GABRB2: variants seen among roughly 807,000 people sequenced by gnomAD.
GABRB2 encodes gamma-aminobutyric acid receptor subunit beta-2.
GABRB2 carries 16 observed loss-of-function variants against 54.7 expected under a neutral mutation model. That is an observed-to-expected ratio of 0.29 (90% CI 0.20 to 0.44). The LOEUF (loss-of-function observed/expected upper bound fraction) is 0.44, where lower values mean the gene tolerates loss of function less well. GABRB2 is among the 20% of genes least tolerant of loss of function. The pLI, the probability that GABRB2 is intolerant of heterozygous loss-of-function variation, is 1.00. For synonymous variants in GABRB2, 244 were observed against 233.8 expected, an observed-to-expected ratio of 1.04 and a Z score of -0.40; for missense variants, 355 against 644.0, an observed-to-expected ratio of 0.55 and a Z score of 4.86.
chr5:161,300,305 T>C (rs980829936), intron 9 of GABRB2, among the ~76,000 whole-genome samples: 21 of 152,360 alleles, frequency 1.4e-4, no homozygotes, highest in South Asian at 4.1e-4. Context: ...CATTCCTTTT[T>C]CTCCTTTGAA....
At chr5:161,503,543 T>C (rs1759511018) in intron 3 of GABRB2, among the ~76,000 whole-genome samples, 1 of 151,936 alleles carries the variant, frequency 6.6e-6, no homozygotes. Flanking sequence ...ACCTCGTCTC[T>C]ACTAAAAATA....
chr5:161,434,385 C>T (rs895859307), intron 4 of GABRB2, among the ~76,000 whole-genome samples: 2 of 152,136 alleles, frequency 1.3e-5, no homozygotes, highest in African/African-American at 4.8e-5. Context: ...TTAAAATTAT[C>T]AGTGACATCC....
At chr5:161,514,201 GCAGA>G (rs1759865200) in intron 3 of GABRB2, among the ~76,000 whole-genome samples, 1 of 152,064 alleles carries the variant, frequency 6.6e-6, no homozygotes, top group African/African-American at 2.4e-5. Context: ...TGACCAGAGT[GCAGA>G]CACTCTTCTC....
At chr5:161,358,542 G>A (rs1481590778) in intron 5 of GABRB2, among the ~76,000 whole-genome samples, 7 of 152,162 alleles carry the variant, frequency 4.6e-5, no homozygotes, top group Admixed American at 3.3e-4. Flanking sequence ...GTAAAAAAAC[G>A]ATGGTGTGGA....
At chr5:161,343,451 T>A (rs1422068936) in intron 5 of GABRB2, among the ~76,000 whole-genome samples, 2 of 152,026 alleles carry the variant, frequency 1.3e-5, no homozygotes, top group Non-Finnish European at 2.9e-5. Context: ...TCAAGTAAAA[T>A]GTCAGATTGT....
intron 4 of GABRB2, among the ~76,000 whole-genome samples, chr5:161,433,933 T>C (rs1310239134): frequency 1.3e-5 from 2 of 152,198 alleles, no homozygotes; most frequent in Non-Finnish European, 2.9e-5. Context: ...GAAAATGTTA[T>C]AGATTTCCTT....
chr5:161,501,198 GA>G (rs1317650813), intron 3 of GABRB2, among the ~76,000 whole-genome samples: 1 of 151,642 alleles, frequency 6.6e-6, no homozygotes, highest in African/African-American at 2.4e-5. Context: ...TAGAAATCAA[GA>G]AAAAAATCAC....
rs182199896 is a variant in GABRB2 at position 161,516,428 on chromosome 5, C to T, written c.237+28799G>A. ...CTCAGGATGGGTGAATGAGTGCCTA[C>T]CAACAATGTAATTTGCATGTAAGCA... is the stretch of plus-strand genomic sequence containing the variant. On this transcript the variant is annotated intron_variant, in intron 3 of 9. Coordinates refer to ENST00000393959, the MANE Select transcript of GABRB2 (RefSeq NM_001371727.1). Among the ~76,000 whole-genome samples the T allele has an allele frequency of 2.4e-4, 36 of 152,184 alleles. 1 individual carries two copies. The East Asian group carries it at 4.3e-3, about 18-fold the overall frequency.
chr5:161,459,437 T>C (rs1485614868), intron 4 of GABRB2, 187 bp downstream of exon 4: 3 of 608,336 alleles, frequency 4.9e-6, no homozygotes, highest in South Asian at 4.0e-5. Context: ...AATGTAGTCT[T>C]AGCTGAGGTT....
chr5:161,415,143 A>T (rs775509652), intron 4 of GABRB2, among the ~76,000 whole-genome samples: 1 of 152,220 alleles, frequency 6.6e-6, no homozygotes, highest in African/African-American at 2.4e-5. Flanking sequence ...GTACATCATT[A>T]TGCAGGTATC....
rs1554100145 is a variant in GABRB2 at position 161,428,322 on chromosome 5, T to TGTGTGA, written c.459-17266_459-17265insTCACAC. Reference sequence around the variant, plus strand: ...GTGTGTGTGTGTGTGTGTGTGTGTGTGACAAGAGCAGCTGAAATCCACTTG... The same window carrying TGTGTGA: ...GTGTGTGTGTGTGTGTGTGTGTGTGTGTGTGAGACAAGAGCAGCTGAAATCCACTTG... On this transcript the variant is annotated intron_variant, in intron 4 of 9. Transcript: ENST00000393959. 2.7e-5 allele frequency among the ~76,000 whole-genome samples: 4 copies of TGTGTGA among 150,252 alleles called. No individual in the cohort carries two copies. The East Asian group carries it at 5.8e-4, about 22-fold the overall frequency.
chr5:161,502,415 A>T (rs1196888735), intron 3 of GABRB2, among the ~76,000 whole-genome samples: 1 of 152,134 alleles, frequency 6.6e-6, no homozygotes, highest in East Asian at 1.9e-4. Flanking sequence ...TACAAATCTA[A>T]TGTTATCTTG....
chr5:161,525,969 C>G (rs1760265974), intron 3 of GABRB2, among the ~76,000 whole-genome samples: 1 of 151,238 alleles, frequency 6.6e-6, no homozygotes, highest in African/African-American at 2.4e-5. Context: ...GTTGATAAGG[C>G]TGGCCTAGTT....
At chr5:161,442,218 C>T (rs1176660563) in intron 4 of GABRB2, among the ~76,000 whole-genome samples, 3 of 151,894 alleles carry the variant, frequency 2.0e-5, no homozygotes, top group African/African-American at 7.3e-5. Context: ...CCCATAAATA[C>T]AAATACCTAC....
At chr5:161,535,389 A>G (rs1760602110) in intron 3 of GABRB2, among the ~76,000 whole-genome samples, 2 of 152,340 alleles carry the variant, frequency 1.3e-5, no homozygotes, top group African/African-American at 2.4e-5. Context: ...TGGAGTAGAC[A>G]GCAGAAACAG....
intron 3 of GABRB2, among the ~76,000 whole-genome samples, chr5:161,515,251 A>C (rs1012870142): frequency 1.3e-5 from 2 of 152,080 alleles, no homozygotes; most frequent in African/African-American, 2.4e-5. Context: ...ATTTTGGGTA[A>C]ATAAAAGTAA....
intron 3 of GABRB2, among the ~76,000 whole-genome samples, chr5:161,542,142 T>A: frequency 6.6e-6 from 1 of 152,176 alleles, no homozygotes; most frequent in Non-Finnish European, 1.5e-5. Flanking sequence ...CTGTCTTACC[T>A]CAGTGCAGTT....
intron 5 of GABRB2, among the ~76,000 whole-genome samples, chr5:161,345,995 C>T (rs1754310232): frequency 6.6e-6 from 1 of 152,076 alleles, no homozygotes; most frequent in South Asian, 2.1e-4. Flanking sequence ...CGCAGAATTG[C>T]AAGGTAGTCG....
At chr5:161,433,640 G>T (rs991034883) in intron 4 of GABRB2, among the ~76,000 whole-genome samples, 1 of 151,640 alleles carries the variant, frequency 6.6e-6, no homozygotes, top group Non-Finnish European at 1.5e-5. Context: ...AAAAGAAAAA[G>T]AAATATAAAA....
Sources: gnomAD v4.1 joint callset for allele counts (sites outside exome capture counted in the v4.1 genomes callset) on GRCh38, gnomAD v4.1.1 for gene constraint, MANE v1.5 for transcripts, NCBI Gene and HGNC (gene_info 2026-07-23, HGNC 2026-07-21) for gene names.